Variants in CRY1 observed in about 807,000 individuals in gnomAD.
The protein encoded by CRY1 is cryptochrome-1.
Under a neutral mutation model 76.0 loss-of-function variants are expected in CRY1, and 45 were observed. That is an observed-to-expected ratio of 0.59 (90% confidence interval 0.47 to 0.76). CRY1 has a LOEUF of 0.76. Ranked by LOEUF, CRY1 falls within the 30% of genes least tolerant of loss-of-function variation. CRY1 has a pLI of 0.00. For missense variants in CRY1, 587 were observed against 716.4 expected, an observed-to-expected ratio of 0.82 and a Z score of 2.06; for synonymous variants, 248 against 244.0, an observed-to-expected ratio of 1.02 and a Z score of -0.15.
intron 5 of CRY1, 126 bp downstream of exon 5, chr12:107,001,154 T>C: frequency 1.5e-6 from 1 of 680,848 alleles, no homozygotes; most frequent in Non-Finnish European, 2.5e-6. Flanking sequence ...GTTTGTGCTA[T>C]TTTAACCATT....
chr12:107,033,376 G>T (rs73386644), intron 1 of CRY1, among the ~76,000 whole-genome samples: 1 of 152,024 alleles, frequency 6.6e-6, no homozygotes, highest in African/African-American at 2.4e-5. Flanking sequence ...CTCATAAAAA[G>T]GATAGACAGA....
rs113605924 is a variant in CRY1 at position 107,037,178 on chromosome 12, G to A, written c.159-14986C>T. ...ACAGAACATCACAGAGGGAATAAAG[G>A]CCCAGACACATGGGACCTCATGACT... On this transcript the variant is annotated intron_variant, in intron 1 of 12. Transcript: ENST00000008527. Among the ~76,000 whole-genome samples the A allele has an allele frequency of 7.9e-3, 1,208 of 152,200 alleles. 13 individuals carry two copies. The highest frequency in any genetic ancestry group is 0.016 in the Admixed American group (249 of 15,284).
intron 2 of CRY1, among the ~76,000 whole-genome samples, chr12:107,020,224 T>A (rs985125856): frequency 3.3e-5 from 5 of 150,784 alleles, no homozygotes; most frequent in African/African-American, 1.2e-4. Context: ...CTTATTTGAT[T>A]CCCAGCACTG....
intron 2 of CRY1, among the ~76,000 whole-genome samples, chr12:107,010,460 A>C (rs966861233): frequency 3.3e-5 from 5 of 152,206 alleles, no homozygotes; most frequent in Non-Finnish European, 5.9e-5. Flanking sequence ...TTATAAATCA[A>C]AGGCTAACGG....
chr12:107,081,795 T>C (rs1953328536), intron 1 of CRY1, among the ~76,000 whole-genome samples: 1 of 152,028 alleles, frequency 6.6e-6, no homozygotes, highest in Non-Finnish European at 1.5e-5. Flanking sequence ...GTGGGGCATT[T>C]AGGAAGTTAT....
chr12:107,001,897 C>T lies in CRY1; in HGVS notation c.462G>A (p.Gln154=). The T allele has an allele frequency of 1.2e-6, 2 of 1,600,160 alleles. No homozygotes were observed. Among genetic ancestry groups the T allele is most frequent in the South Asian group, 1.1e-5 (1 of 87,662 alleles). ...GQPPLTYKRF[Q]TLISKMEPLE... ...GTGGTTCCATTTTGCTGATGAGAGTCTGGAATCTTTTATAAGTTAGAGGCG... is the reference window on the plus strand; with the variant it reads ...GTGGTTCCATTTTGCTGATGAGAGTTTGGAATCTTTTATAAGTTAGAGGCG... Residue 154 remains glutamine, a synonymous_variant, in exon 4 of 13, where the codon CAG becomes CAA. Coordinates refer to ENST00000008527, the MANE Select transcript of CRY1 (RefSeq NM_004075.5).
At chr12:107,057,348 G>T (rs986323735) in intron 1 of CRY1, among the ~76,000 whole-genome samples, 2 of 152,108 alleles carry the variant, frequency 1.3e-5, no homozygotes, top group African/African-American at 4.8e-5. Flanking sequence ...GCAAATAATG[G>T]GTTGGCAAAT....
At chr12:107,077,014 G>C (rs1953263241) in intron 1 of CRY1, among the ~76,000 whole-genome samples, 1 of 152,090 alleles carries the variant, frequency 6.6e-6, no homozygotes, top group Admixed American at 6.6e-5. Flanking sequence ...AGAACCATGA[G>C]CCAATTAGAC....
intron 1 of CRY1, among the ~76,000 whole-genome samples, chr12:107,035,138 A>G (rs7138365): frequency 0.47 from 71,400 of 152,058 alleles, 18,758 homozygotes; most frequent in East Asian, 0.72. Context: ...TAACAGCCCT[A>G]TTTCAAATTT....
intron 1 of CRY1, among the ~76,000 whole-genome samples, chr12:107,028,967 A>C (rs1952646641): frequency 6.6e-6 from 1 of 152,248 alleles, no homozygotes; most frequent in East Asian, 1.9e-4. Flanking sequence ...TTATACATAA[A>C]GATTTAGGCT....
intron 2 of CRY1, among the ~76,000 whole-genome samples, chr12:107,020,856 T>C (rs893045367): frequency 3.3e-5 from 5 of 152,234 alleles, no homozygotes; most frequent in Admixed American, 1.3e-4. Flanking sequence ...GGCATTTCCA[T>C]GAGCTAGTTG....
At position 106,997,585 on chromosome 12, in the gene CRY1, A is replaced by G. The variant is rs371374877; in HGVS notation, c.1395T>C (p.Asn465=). Reference sequence around the variant, plus strand: ...CATGGTTCACCATTGGTTTAGGATAATTAACTCCTATCAAACATTTGGCTA... The same window carrying G: ...CATGGTTCACCATTGGTTTAGGATAGTTAACTCCTATCAAACATTTGGCTA... ...QKVAKCLIGV[N]YPKPMVNHAE... The change falls in exon 9 of 13, where the codon AAT becomes AAC. Residue 465 remains asparagine (N), a synonymous_variant. Coordinates refer to ENST00000008527, the MANE Select transcript of CRY1 (RefSeq NM_004075.5). 4.3e-6 allele frequency: 7 copies of G among 1,614,008 alleles called. No homozygotes were observed. The African/African-American group carries it at 9.3e-5, about 22-fold the overall frequency.
At position 107,001,394 on chromosome 12, in the gene CRY1, T is replaced by C. The variant is rs372005501; in HGVS notation, c.596-26A>G. 63 of 1,564,526 alleles carry C rather than the reference T, an allele frequency of 4.0e-5. No homozygotes were observed. In the African/African-American group the frequency reaches 8.4e-4, roughly 21 times the overall value. ...CTACAAGAAAGAAAAGAAAAAAACA[T>C]CATTCTTCCGAAACTAATTTTTATT... On this transcript the variant is annotated intron_variant, in intron 4 of 12. Coordinates refer to ENST00000008527, the MANE Select transcript of CRY1 (RefSeq NM_004075.5).
chr12:107,021,823 T>G (rs764417998), intron 2 of CRY1, among the ~76,000 whole-genome samples: 1 of 152,050 alleles, frequency 6.6e-6, no homozygotes, highest in Non-Finnish European at 1.5e-5. Context: ...CATAAGAAAC[T>G]GGTAGTAGCT....
chr12:107,070,095 T>C (rs1024475372), intron 1 of CRY1, among the ~76,000 whole-genome samples: 1 of 152,186 alleles, frequency 6.6e-6, no homozygotes, highest in Non-Finnish European at 1.5e-5. Flanking sequence ...AAACTACATA[T>C]GGGGCTAACC....
At chr12:107,032,524 A>G (rs141861989) in intron 1 of CRY1, among the ~76,000 whole-genome samples, 173 of 152,004 alleles carry the variant, frequency 1.1e-3, no homozygotes, top group Non-Finnish European at 2.2e-3. Flanking sequence ...ACACACACAC[A>G]CACACGTCAC....
At chr12:107,074,267 G>A (rs1442408120) in intron 1 of CRY1, among the ~76,000 whole-genome samples, 1 of 152,010 alleles carries the variant, frequency 6.6e-6, no homozygotes, top group Non-Finnish European at 1.5e-5. Context: ...ACCAATAAAA[G>A]GCTTGGCAGC....
chr12:107,014,788 C>T (rs1312786196), intron 2 of CRY1, among the ~76,000 whole-genome samples: 2 of 152,082 alleles, frequency 1.3e-5, no homozygotes. Flanking sequence ...CCTGTGGATA[C>T]CAAAATTCAC....
chr12:107,063,947 G>T (rs1321639772), intron 1 of CRY1, among the ~76,000 whole-genome samples: 1 of 152,090 alleles, frequency 6.6e-6, no homozygotes. Context: ...GGGTTGGGGG[G>T]ACAGGGGTTT....
Sources: allele counts gnomAD v4.1 joint callset (sites outside exome capture counted in the v4.1 genomes callset), GRCh38; gene constraint gnomAD v4.1.1; transcripts MANE v1.5; gene names NCBI Gene and HGNC (gene_info 2026-07-23, HGNC 2026-07-21).